Variants in BFSP2 observed in about 807,000 individuals in gnomAD.
BFSP2 encodes the protein phakinin.
Under a neutral mutation model 44.9 loss-of-function variants are expected in BFSP2, and 38 were observed. The observed-to-expected ratio is 0.85, with a 90% CI of 0.65 to 1.11. The LOEUF (loss-of-function observed/expected upper bound fraction) is 1.11. BFSP2 is among the 50% of genes least tolerant of loss of function. The pLI is 0.00. For synonymous variants in BFSP2, 197 were observed against 209.9 expected (o/e 0.94, Z 0.53); for missense variants, 525 against 533.0 (o/e 0.99, Z 0.15).
chr3:133,451,364 C>T (rs2107927508), intron 4 of BFSP2, among the ~76,000 whole-genome samples: 1 of 152,166 alleles, frequency 6.6e-6, no homozygotes, highest in East Asian at 1.9e-4. Context: ...TGGTATATGC[C>T]AGAAGCCAAA....
chr3:133,467,259 C>T (rs961009834), intron 5 of BFSP2, among the ~76,000 whole-genome samples: 2 of 152,228 alleles, frequency 1.3e-5, no homozygotes, highest in African/African-American at 4.8e-5. Context: ...TGCCCTTACC[C>T]ACACTGAGGA....
At chr3:133,406,403 C>T (rs2073404942) in intron 1 of BFSP2, among the ~76,000 whole-genome samples, 3 of 152,194 alleles carry the variant, frequency 2.0e-5, no homozygotes, top group African/African-American at 7.2e-5. Flanking sequence ...CCACACTCGG[C>T]CACTCTTAAA....
chr3:133,409,439 G>T (rs2073430362), intron 1 of BFSP2, among the ~76,000 whole-genome samples: 1 of 152,134 alleles, frequency 6.6e-6, no homozygotes. Flanking sequence ...ATAAATATAT[G>T]CCTATTTCCA....
chr3:133,425,584 G>A (rs936321495), intron 1 of BFSP2, among the ~76,000 whole-genome samples: 1 of 152,098 alleles, frequency 6.6e-6, no homozygotes, highest in Non-Finnish European at 1.5e-5. Context: ...TCAGGAAATA[G>A]AATGTCCAGT....
intron 1 of BFSP2, among the ~76,000 whole-genome samples, chr3:133,425,820 A>G: frequency 7.1e-6 from 1 of 141,188 alleles, no homozygotes; most frequent in Non-Finnish European, 1.5e-5. Flanking sequence ...AGGGAAGGGA[A>G]ATAAAGAAGG....
chr3:133,409,227 G>GGTGTGTGTGTGTGTGTGT lies in BFSP2; in HGVS notation c.489+8668_489+8685dup, dbSNP rs56156448. On this transcript the variant is annotated intron_variant, in intron 1 of 6. Transcript: ENST00000302334. ...GCACTGGCACTGTTATTCTGACACT[G>GGTGTGTGTGTGTGTGTGT]GTGTGTGTGTGTGTGTGTGTGTGTG... 5.2e-4 allele frequency among the ~76,000 whole-genome samples: 77 copies of GGTGTGTGTGTGTGTGTGT among 148,604 alleles called. 1 individual carries two copies. The highest frequency in any genetic ancestry group is 1.9e-3 in the African/African-American group (77 of 40,312).
chr3:133,441,466 A>T (rs1213624648), intron 1 of BFSP2, among the ~76,000 whole-genome samples: 1 of 152,184 alleles, frequency 6.6e-6, no homozygotes, highest in African/African-American at 2.4e-5. Context: ...ACCAAGCTGG[A>T]TAATGGAGTG....
intron 1 of BFSP2, among the ~76,000 whole-genome samples, chr3:133,434,659 G>A (rs1305174321): frequency 6.6e-6 from 1 of 152,074 alleles, no homozygotes; most frequent in Non-Finnish European, 1.5e-5. Flanking sequence ...CTTAACTGAT[G>A]ATATTCCACC....
intron 4 of BFSP2, among the ~76,000 whole-genome samples, chr3:133,461,861 C>T (rs1487535836): frequency 3.3e-5 from 5 of 152,186 alleles, no homozygotes; most frequent in Non-Finnish European, 7.3e-5. Context: ...TCTTTAACAC[C>T]TCTGTTGTAC....
In BFSP2 at chr3:133,422,476, C is replaced by T. The variant is rs139917712; in HGVS notation, c.489+21904C>T. On this transcript the variant is annotated intron_variant, in intron 1 of 6. Coordinates refer to ENST00000302334, the MANE Select transcript of BFSP2 (RefSeq NM_003571.4). ...TCTGTGTACCCTGAGATGAAGCCCT[C>T]TCCCTCTGAGGCTCCTCATCTGTAA... 4.7e-3 allele frequency among the ~76,000 whole-genome samples: 722 copies of T among 152,316 alleles called. 9 individuals are homozygous for T. The highest frequency in any genetic ancestry group is 0.015 in the African/African-American group (642 of 41,566).
At chr3:133,466,172 G>A (rs1159357841) in intron 4 of BFSP2, among the ~76,000 whole-genome samples, 2 of 151,634 alleles carry the variant, frequency 1.3e-5, no homozygotes, top group African/African-American at 4.8e-5. Flanking sequence ...AAGCACGGGG[G>A]GGGCAATACA....
chr3:133,434,187 C>T (rs1179587347), intron 1 of BFSP2, among the ~76,000 whole-genome samples: 1 of 152,184 alleles, frequency 6.6e-6, no homozygotes, highest in African/African-American at 2.4e-5. Flanking sequence ...ACTCACTAAT[C>T]AGATGTCCTA....
chr3:133,411,735 T>C (rs1300089415), intron 1 of BFSP2, among the ~76,000 whole-genome samples: 1 of 151,844 alleles, frequency 6.6e-6, no homozygotes, highest in Non-Finnish European at 1.5e-5. Flanking sequence ...TAGACAGTCA[T>C]AAGGAAAATA....
At chr3:133,407,533 G>C (rs1022767962) in intron 1 of BFSP2, among the ~76,000 whole-genome samples, 4 of 151,668 alleles carry the variant, frequency 2.6e-5, no homozygotes, top group Middle Eastern at 3.2e-3. Flanking sequence ...AATTCCCTTT[G>C]TAAGAACAGA....
intron 2 of BFSP2, 107 bp downstream of exon 2, chr3:133,447,506 G>A: frequency 8.6e-7 from 1 of 1,157,246 alleles, no homozygotes; most frequent in Non-Finnish European, 1.2e-6. Flanking sequence ...TACCTCAGGG[G>A]AAGCTGGCAG....
chr3:133,416,350 T>C (rs2107888533), intron 1 of BFSP2, among the ~76,000 whole-genome samples: 2 of 130,572 alleles, frequency 1.5e-5, no homozygotes, highest in East Asian at 2.6e-4. Context: ...CTCACCCCTG[T>C]CCTGTCCCCT....
intron 6 of BFSP2, 134 bp downstream of exon 6, chr3:133,472,699 A>G: frequency 9.8e-7 from 1 of 1,022,266 alleles, no homozygotes; most frequent in African/African-American, 1.6e-5. Flanking sequence ...ACCCATTCCC[A>G]CAGCCTAGCT....
intron 1 of BFSP2, among the ~76,000 whole-genome samples, chr3:133,433,611 G>T (rs1471161845): frequency 6.6e-6 from 1 of 152,146 alleles, no homozygotes; most frequent in African/African-American, 2.4e-5. Flanking sequence ...GTCTGAGAAG[G>T]CCACCGCAGT....
Position 133,400,666 on chromosome 3 carries a change from AACTG to A in BFSP2, c.489+97_489+100del. ...GTTGTGAGTAGGCTGAGGCCAGAGA[AACTG>A]ACCATAATCCCCTACACTTTCACAC... On this transcript the variant is annotated intron_variant, in intron 1 of 6. Coordinates refer to ENST00000302334, the MANE Select transcript of BFSP2 (RefSeq NM_003571.4). The surrounding 1 kb of genome is among the most constrained non-coding windows in gnomAD (Gnocchi z 4.0). 6.6e-7 allele frequency: 1 copy of A among 1,513,062 alleles called. No homozygotes were observed. The highest frequency in any genetic ancestry group is 8.9e-7 in the Non-Finnish European group (1 of 1,119,030). 93.7% of individuals were successfully genotyped at this position (1,513,062 alleles called of 1,614,324 possible).
Sources: allele counts gnomAD v4.1 joint callset (sites outside exome capture counted in the v4.1 genomes callset), GRCh38; gene constraint gnomAD v4.1.1; non-coding constraint Gnocchi (gnomAD v3.1); transcripts MANE v1.5; gene names NCBI Gene and HGNC (gene_info 2026-07-23, HGNC 2026-07-21).